Variants in OPA1 observed in about 807,000 individuals in gnomAD.
The protein encoded by OPA1 is dynamin-like GTPase OPA1, mitochondrial.
In OPA1, 59 loss-of-function variants were observed where a neutral mutation model predicts 152.9. The ratio of observed to expected loss-of-function variants is 0.39; its 90% confidence interval spans 0.31 to 0.48. The LOEUF is 0.48. Among genes scored for constraint, OPA1 ranks in the 20% least tolerant of loss-of-function variants. The pLI is 0.96. For missense variants in OPA1, 1,008 were observed against 1,216.8 expected, an observed-to-expected ratio of 0.83 and a Z score of 2.55; for synonymous variants, 400 against 389.9, an observed-to-expected ratio of 1.03 and a Z score of -0.31.
At position 193,657,345 on chromosome 3, in the gene OPA1, ATGAAG is replaced by A. The variant is rs1714099592; in HGVS notation, c.2331+115_2331+119del. ...TAAATTACATTCTGAATTAAAAATA[ATGAAG>A]TAAAGAAACAGATTTATGATCTGTA... On this transcript the variant is annotated intron_variant, in intron 23 of 30. Transcript: ENST00000361510. The A allele has an allele frequency of 9.4e-6, 10 of 1,062,246 alleles. No individual in the cohort carries two copies. In the South Asian group the frequency reaches 1.4e-4, roughly 15 times the overall value. 65.8% of individuals were successfully genotyped at this position (1,062,246 alleles called of 1,614,324 possible).
intron 1 of OPA1, among the ~76,000 whole-genome samples, chr3:193,597,685 C>T (rs1047128309): frequency 2.3e-5 from 3 of 131,540 alleles, no homozygotes; most frequent in Non-Finnish European, 3.2e-5. Context: ...AGCAAGACTC[C>T]GTTTCAAAAA....
intron 21 of OPA1, among the ~76,000 whole-genome samples, chr3:193,650,559 A>G (rs1712150776): frequency 6.6e-6 from 1 of 152,196 alleles, no homozygotes; most frequent in African/African-American, 2.4e-5. Context: ...AATGTTTACA[A>G]TTATTTAAGT....
Position 193,593,285 on chromosome 3 carries a change from C to T in OPA1, c.-93C>T. 7.3e-7 allele frequency: 1 copy of T among 1,373,488 alleles called. No individual in the cohort carries two copies. Among genetic ancestry groups the T allele is most frequent in the Non-Finnish European group, 9.8e-7 (1 of 1,021,326 alleles). The allele number at this position is 1,373,488 out of a possible 1,614,324, so 85.1% of individuals were successfully genotyped here. On this transcript the variant is annotated 5_prime_UTR_variant, in exon 1 of 31. Coordinates refer to ENST00000361510, the MANE Select transcript of OPA1 (RefSeq NM_130837.3). ...TGCCCTTGCTGCTGAGGGCCACTTC[C>T]TGGGTCATTCCTGGACCGGGAGCCG... is the stretch of plus-strand genomic sequence containing the variant.
intron 29 of OPA1, among the ~76,000 whole-genome samples, chr3:193,676,832 T>A (rs1719126173): frequency 2.0e-5 from 3 of 151,754 alleles, no homozygotes; most frequent in Non-Finnish European, 4.4e-5. Context: ...TACAAAAAAT[T>A]TAGCCAGGCG....
At chr3:193,615,820 A>T in intron 3 of OPA1, 50 bp downstream of exon 3, 1 of 1,033,708 alleles carries the variant, frequency 9.7e-7, no homozygotes, top group South Asian at 1.3e-5. Context: ...TCGAGGAAAG[A>T]GAAATAGTTT....
At chr3:193,672,873 A>G (rs1363356817) in intron 29 of OPA1, among the ~76,000 whole-genome samples, 1 of 151,858 alleles carries the variant, frequency 6.6e-6, no homozygotes, top group Non-Finnish European at 1.5e-5. Flanking sequence ...CATCTCAAAA[A>G]AAAAAAAAAA....
intron 29 of OPA1, among the ~76,000 whole-genome samples, chr3:193,690,442 A>G (rs1034713297): frequency 7.3e-5 from 11 of 151,672 alleles, no homozygotes; most frequent in African/African-American, 2.7e-4. Flanking sequence ...AGCAGGATCA[A>G]TTGAGCCCAG....
chr3:193,629,102 G>A (rs1032230183), intron 7 of OPA1, among the ~76,000 whole-genome samples: 7 of 151,834 alleles, frequency 4.6e-5, no homozygotes, highest in African/African-American at 1.5e-4. Context: ...TAGTAGAGAC[G>A]GGGTTTCTTC....
intron 27 of OPA1, among the ~76,000 whole-genome samples, chr3:193,665,780 G>A (rs1716383763): frequency 6.6e-6 from 1 of 152,072 alleles, no homozygotes; most frequent in Non-Finnish European, 1.5e-5. Flanking sequence ...ATTGTAGAGT[G>A]AACTTCTTTC....
chr3:193,621,334 G>T (rs1353473979), intron 6 of OPA1, among the ~76,000 whole-genome samples: 1 of 152,184 alleles, frequency 6.6e-6, no homozygotes, highest in African/African-American at 2.4e-5. Context: ...GAGCTGAGGG[G>T]AACACAGATA....
intron 4 of OPA1, 39 bp downstream of exon 4, chr3:193,617,324 G>A: frequency 8.3e-7 from 1 of 1,210,016 alleles, no homozygotes; most frequent in Non-Finnish European, 1.2e-6. Context: ...AAAAATTTAA[G>A]AACCATGGAG....
At chr3:193,657,580 C>T (rs910836099) in intron 23 of OPA1, among the ~76,000 whole-genome samples, 11 of 152,290 alleles carry the variant, frequency 7.2e-5, no homozygotes, top group Middle Eastern at 3.4e-3. Context: ...GAACTACATG[C>T]GTTGGTTTTC....
chr3:193,602,099 A>G (rs2108799689), intron 1 of OPA1, among the ~76,000 whole-genome samples: 1 of 152,324 alleles, frequency 6.6e-6, no homozygotes, highest in East Asian at 1.9e-4. Context: ...GGTGGTAGAG[A>G]AGTCTTGATC....
intron 1 of OPA1, among the ~76,000 whole-genome samples, chr3:193,600,663 C>T (rs144225243): frequency 1.6e-4 from 25 of 152,238 alleles, no homozygotes; most frequent in Middle Eastern, 6.8e-3. Flanking sequence ...GATCATAGTT[C>T]GCTGTAAAGT....
intron 18 of OPA1, among the ~76,000 whole-genome samples, chr3:193,646,119 G>A (rs1025354787): frequency 2.6e-5 from 4 of 152,114 alleles, no homozygotes; most frequent in Admixed American, 6.5e-5. Flanking sequence ...ACTTTTAAAC[G>A]TGTACATATT....
At chr3:193,598,954 C>T (rs961865818) in intron 1 of OPA1, among the ~76,000 whole-genome samples, 2 of 152,150 alleles carry the variant, frequency 1.3e-5, no homozygotes, top group African/African-American at 4.8e-5. Flanking sequence ...GTTGATATCC[C>T]TCTCTGTAAG....
Position 193,613,937 on chromosome 3 carries a change from TAGAATC to T in OPA1, c.33-782_33-777del, listed in dbSNP as rs778920011. On this transcript the variant is annotated intron_variant, in intron 1 of 30. Coordinates refer to ENST00000361510, the MANE Select transcript of OPA1 (RefSeq NM_130837.3). The stretch of plus-strand genomic sequence containing the variant: ...AAGGAATTAATATTTTTTAACTACT[TAGAATC>T]AGACTGGCCCTGATTATTAGTAAGC... 2.3e-5 allele frequency: 12 copies of T among 518,972 alleles called. No individual in the cohort carries two copies. The East Asian group carries it at 4.9e-4, about 21-fold the overall frequency. 32.1% of individuals were successfully genotyped at this position (518,972 alleles called of 1,614,324 possible).
chr3:193,669,520 T>C (rs909330744), intron 29 of OPA1, among the ~76,000 whole-genome samples: 8 of 152,208 alleles, frequency 5.3e-5, no homozygotes, highest in Non-Finnish European at 1.0e-4. Context: ...ATGACTATTA[T>C]AGTGGTTATT....
chr3:193,614,300 G>C (rs1235807718), intron 1 of OPA1, among the ~76,000 whole-genome samples: 1 of 152,204 alleles, frequency 6.6e-6, no homozygotes, highest in African/African-American at 2.4e-5. Context: ...TACTTACAGT[G>C]AATAGTAGTT....
Sources: allele counts gnomAD v4.1 joint callset (sites outside exome capture counted in the v4.1 genomes callset), GRCh38; gene constraint gnomAD v4.1.1; transcripts MANE v1.5; gene names NCBI Gene and HGNC (gene_info 2026-07-23, HGNC 2026-07-21).